The following TMEM74 variants were observed in gnomAD, a reference collection of about 807,000 sequenced individuals.
TMEM74 encodes the protein transmembrane protein 74.
TMEM74 carries 13 observed loss-of-function variants against 18.1 expected under a neutral mutation model. The ratio of observed to expected loss-of-function variants is 0.72; its 90% CI spans 0.47 to 1.14. TMEM74 has a LOEUF of 1.14. TMEM74 is among the 50% of genes most tolerant of loss of function. TMEM74 has a pLI of 0.00. For synonymous variants in TMEM74, 159 were observed against 146.6 expected (o/e 1.08, Z -0.61); for missense variants, 372 against 375.9 (o/e 0.99, Z 0.09).
At chr8:108,762,232 A>G (rs1039164) in intron 1 of TMEM74, among the ~76,000 whole-genome samples, 47,697 of 152,002 alleles carry the variant, frequency 0.31, 7,736 homozygotes, top group East Asian at 0.41. Flanking sequence ...CAGAGATTCA[A>G]ATAATACAAA....
intron 2 of TMEM74, among the ~76,000 whole-genome samples, chr8:108,612,698 A>T (rs939020083): frequency 4.6e-5 from 7 of 152,208 alleles, no homozygotes; most frequent in Non-Finnish European, 1.0e-4. Flanking sequence ...TTAGAATGGG[A>T]AAGAGCATTA....
chr8:108,634,005 T>G (rs527349181), intron 2 of TMEM74, among the ~76,000 whole-genome samples: 1 of 151,968 alleles, frequency 6.6e-6, no homozygotes, highest in African/African-American at 2.4e-5. Context: ...AGGAAGTGAA[T>G]ACAAGCCAAA....
At chr8:108,657,338 G>GGA (rs914881919) in intron 1 of TMEM74, among the ~76,000 whole-genome samples, 5 of 151,940 alleles carry the variant, frequency 3.3e-5, no homozygotes, top group African/African-American at 1.2e-4. Context: ...CTTACAAGCA[G>GGA]GAGAGGTAAA....
chr8:108,726,794 A>G (rs1563536386), intron 1 of TMEM74, among the ~76,000 whole-genome samples: 1 of 152,088 alleles, frequency 6.6e-6, no homozygotes, highest in Admixed American at 6.6e-5. Context: ...TGGAGGGTTG[A>G]GGTGAAAAAT....
At chr8:108,644,917 T>G (rs1335100691) in intron 2 of TMEM74, among the ~76,000 whole-genome samples, 1 of 152,172 alleles carries the variant, frequency 6.6e-6, no homozygotes, top group East Asian at 1.9e-4. Flanking sequence ...TGTAAATTAG[T>G]TCAGCCATTG....
chr8:108,621,433 C>A (rs1378182478), intron 2 of TMEM74, among the ~76,000 whole-genome samples: 2 of 152,138 alleles, frequency 1.3e-5, no homozygotes, highest in African/African-American at 4.8e-5. Flanking sequence ...AGGTCCCCCT[C>A]CCTGAAAACG....
At chr8:108,719,199 G>A (rs918341049) in intron 1 of TMEM74, among the ~76,000 whole-genome samples, 5 of 152,098 alleles carry the variant, frequency 3.3e-5, no homozygotes, top group African/African-American at 1.2e-4. Flanking sequence ...AGATTAAATT[G>A]GGGAGACGCA....
chr8:108,702,233 G>A (rs3019333), intron 1 of TMEM74, among the ~76,000 whole-genome samples: 30,505 of 151,082 alleles, frequency 0.2, 3,200 homozygotes, highest in East Asian at 0.29. Context: ...AATCCCAGCT[G>A]CTTGGAAGGC....
chr8:108,621,850 T>A (rs1812443447), intron 2 of TMEM74, among the ~76,000 whole-genome samples: 1 of 152,088 alleles, frequency 6.6e-6, no homozygotes, highest in Non-Finnish European at 1.5e-5. Flanking sequence ...GGTGTCAATT[T>A]TGAAAGTGAA....
At chr8:108,751,609 G>A (rs1799063174) in intron 1 of TMEM74, among the ~76,000 whole-genome samples, 1 of 151,986 alleles carries the variant, frequency 6.6e-6, no homozygotes, top group African/African-American at 2.4e-5. Context: ...AAATTTAATG[G>A]GAGGAAAGCT....
chr8:108,643,835 T>C (rs1466571704), intron 2 of TMEM74, among the ~76,000 whole-genome samples: 1 of 151,626 alleles, frequency 6.6e-6, no homozygotes, highest in Non-Finnish European at 1.5e-5. Flanking sequence ...AAAACACTGC[T>C]GAAAGAAATC....
In TMEM74 at chr8:108,722,752, TA is replaced by T. The variant is rs1205667350; in HGVS notation, n.119+64723del. On this transcript the variant is annotated intron_variant and non_coding_transcript_variant, in intron 1 of 3. Coordinates refer to the TMEM74 transcript ENST00000518838. ...CTCCCACTAAGCTGTATTTTTTTTT[TA>T]AAAGGGGATGCTTTATTTATTGCTG... 8.0e-5 allele frequency among the ~76,000 whole-genome samples: 12 copies of T among 150,866 alleles called. 1 individual carries two copies. Among genetic ancestry groups the T allele is most frequent in the African/African-American group, 2.7e-4 (11 of 40,842 alleles).
At chr8:108,729,237 G>A (rs1813670795) in intron 1 of TMEM74, among the ~76,000 whole-genome samples, 1 of 152,164 alleles carries the variant, frequency 6.6e-6, no homozygotes, top group African/African-American at 2.4e-5. Context: ...CCTGCTGGCT[G>A]TCAGCTAGGG....
chr8:108,632,849 A>G (rs1586241184), intron 2 of TMEM74, among the ~76,000 whole-genome samples: 1 of 151,926 alleles, frequency 6.6e-6, no homozygotes, highest in Non-Finnish European at 1.5e-5. Flanking sequence ...GACCAGGATC[A>G]CTCTCAGTTC....
At chr8:108,759,437 T>C (rs1470825676) in intron 1 of TMEM74, among the ~76,000 whole-genome samples, 1 of 152,128 alleles carries the variant, frequency 6.6e-6, no homozygotes, top group African/African-American at 2.4e-5. Flanking sequence ...AAGGTAAATA[T>C]AGAAAGGTAT....
chr8:108,767,871 GT>G (rs199764011), intron 1 of TMEM74, among the ~76,000 whole-genome samples: 2,720 of 147,238 alleles, frequency 0.018, 86 homozygotes, highest in African/African-American at 0.063. Context: ...ACCATATACC[GT>G]TTTTTTTCAG....
chr8:108,748,900 G>A (rs1179066961), intron 1 of TMEM74, among the ~76,000 whole-genome samples: 1 of 152,040 alleles, frequency 6.6e-6, no homozygotes, highest in Non-Finnish European at 1.5e-5. Flanking sequence ...AGATCAGATG[G>A]TTGTAGGTTT....
chr8:108,706,384 A>G lies in TMEM74; in HGVS notation n.120-50947T>C, dbSNP rs537885457. On this transcript the variant is annotated intron_variant and non_coding_transcript_variant, in intron 1 of 3. Coordinates refer to the TMEM74 transcript ENST00000518838. ...TCAAACATACTAGGCATGCTTCCTC[A>G]TAGGGTCTTTGAACTTATGATGTAT... Among the ~76,000 whole-genome samples, 3 of 152,292 alleles carry G rather than the reference A, an allele frequency of 2.0e-5. No individual in the cohort carries two copies. In the East Asian group the frequency reaches 5.8e-4, roughly 29 times the overall value.
intron 1 of TMEM74, among the ~76,000 whole-genome samples, chr8:108,710,394 G>C (rs1246224349): frequency 1.3e-5 from 2 of 152,188 alleles, no homozygotes; most frequent in East Asian, 3.9e-4. Context: ...GCTTGCCACT[G>C]TCTACTATAT....
Sources: allele counts gnomAD v4.1 joint callset (sites outside exome capture counted in the v4.1 genomes callset), GRCh38; gene constraint gnomAD v4.1.1; transcripts MANE v1.5; gene names NCBI Gene and HGNC (gene_info 2026-07-23, HGNC 2026-07-21).